TSPEAR: variants seen among roughly 807,000 people sequenced by gnomAD.
The protein encoded by TSPEAR is thrombospondin-type laminin G domain and EAR repeat-containing protein.
Under a neutral mutation model 71.6 loss-of-function variants are expected in TSPEAR, and 69 were observed. The observed-to-expected ratio is 0.96, with a 90% CI of 0.79 to 1.18. TSPEAR has a LOEUF of 1.18. Ranked by LOEUF, TSPEAR falls within the 50% of genes most tolerant of loss-of-function variation. TSPEAR has a pLI of 0.00. For missense variants in TSPEAR, 971 were observed against 894.9 expected (o/e 1.09, Z -1.09); for synonymous variants, 402 against 387.2 (o/e 1.04, Z -0.45).
At chr21:44,590,895 G>A (rs1277105073) in intron 1 of TSPEAR, among the ~76,000 whole-genome samples, 1 of 152,052 alleles carries the variant, frequency 6.6e-6, no homozygotes, top group Admixed American at 6.5e-5. Context: ...AGGGAGACTG[G>A]CCTTCAGGGT....
Position 44,509,763 on chromosome 21 carries a change from G to A in TSPEAR, c.1567-377C>T, listed in dbSNP as rs972586800. Reference sequence around the variant, plus strand: ...GTTAGTGCCAGCTGTGCCCAGCCCTGCCCCTAGCGACCATCTGTGTGACTT... The same window carrying A: ...GTTAGTGCCAGCTGTGCCCAGCCCTACCCCTAGCGACCATCTGTGTGACTT... On this transcript the variant is annotated intron_variant, in intron 9 of 11. Coordinates refer to ENST00000323084, the MANE Select transcript of TSPEAR (RefSeq NM_144991.3). 9 of 261,350 alleles carry A rather than the reference G, an allele frequency of 3.4e-5. No individual in the cohort carries two copies. In the East Asian group the frequency reaches 8.2e-4, roughly 24 times the overall value. 16.2% of individuals were successfully genotyped at this position (261,350 alleles called of 1,614,324 possible).
chr21:44,611,608 G>A (rs1981677146), intron 1 of TSPEAR, among the ~76,000 whole-genome samples: 1 of 152,170 alleles, frequency 6.6e-6, no homozygotes, highest in Non-Finnish European at 1.5e-5. Flanking sequence ...GGCAGGGTGG[G>A]GAGCCAGGGG....
rs781846655 is a variant in TSPEAR, at chr21:44,527,436, G to A, written c.1005C>T (p.Ile335=). The A allele has an allele frequency of 1.2e-5, 19 of 1,614,120 alleles. No homozygotes were observed. The African/African-American group carries it at 1.6e-4, about 14-fold the overall frequency. The change falls in exon 7 of 12, where the codon ATC becomes ATT. Residue 335 remains isoleucine (I), a synonymous_variant. Coordinates refer to ENST00000323084, the MANE Select transcript of TSPEAR (RefSeq NM_144991.3). ...SETLGIEVFR[I]PQVGLFVATA... The stretch of plus-strand genomic sequence containing the variant: ...TGGCCACAAAGAGCCCCACCTGAGG[G>A]ATGCGGAACACCTCAATGCCCAGGG...
At position 44,551,179 on chromosome 21, in the gene TSPEAR, G is replaced by A. The variant is rs587707007; in HGVS notation, c.303+16606C>T. On this transcript the variant is annotated intron_variant, in intron 2 of 11. Coordinates refer to ENST00000323084, the MANE Select transcript of TSPEAR (RefSeq NM_144991.3). ...GGCACGCAGCAGGCCTGCTGGCAGG[G>A]GGAGGAGGTGCAGCAAGCCGGCTGG... 387 of 1,569,388 alleles carry A rather than the reference G, an allele frequency of 2.5e-4. 2 individuals carry two copies. The East Asian group carries it at 8.9e-3, about 36-fold the overall frequency.
In TSPEAR at chr21:44,567,851, C is replaced by T. The variant is rs1324345132; in HGVS notation, c.237G>A (p.Gln79=). Residue 79 remains glutamine, a synonymous_variant, in exon 2 of 12, where the codon CAG becomes CAA. Transcript: ENST00000323084. The stretch of plus-strand genomic sequence containing the variant: ...AAAATTCTTCAGGGAAGAGGTCACA[C>T]TGGGAGAAAATCCTGGATGCTGGGA... The part of the protein sequence containing the change: ...MSFPASRIFS[Q]CDLFPEEFSI... 6.2e-7 allele frequency: 1 copy of T among 1,609,578 alleles called. No homozygotes were observed.
chr21:44,586,975 C>A (rs459915), intron 1 of TSPEAR, among the ~76,000 whole-genome samples: 1 of 152,152 alleles, frequency 6.6e-6, no homozygotes, highest in African/African-American at 2.4e-5. Flanking sequence ...CTGAGAACTG[C>A]AAAAATGTAG....
intron 9 of TSPEAR, among the ~76,000 whole-genome samples, chr21:44,513,870 G>A (rs782688721): frequency 6.6e-6 from 1 of 152,156 alleles, no homozygotes; most frequent in Non-Finnish European, 1.5e-5. Context: ...CATCCTCTCT[G>A]AGGGTAGCCA....
intron 1 of TSPEAR, among the ~76,000 whole-genome samples, chr21:44,643,566 T>TG (rs1390936026): frequency 2.0e-5 from 3 of 152,096 alleles, no homozygotes; most frequent in African/African-American, 7.2e-5. Context: ...TCAATAAAGC[T>TG]GGGGAAAAAG....
intron 1 of TSPEAR, among the ~76,000 whole-genome samples, chr21:44,689,163 CAT>C (rs1986995970): frequency 6.6e-6 from 1 of 152,166 alleles, no homozygotes; most frequent in Non-Finnish European, 1.5e-5. Context: ...GATAAACTAA[CAT>C]ATCACTGCAC....
At chr21:44,524,847 G>C in intron 8 of TSPEAR, among the ~76,000 whole-genome samples, 1 of 151,302 alleles carries the variant, frequency 6.6e-6, no homozygotes, top group South Asian at 2.1e-4. Context: ...CAGTGAGGTA[G>C]TCAGTCAGCC....
In TSPEAR at chr21:44,697,391, C is replaced by T. The variant is rs370764650; in HGVS notation, c.82+14042G>A. 17 of 1,613,462 alleles carry T rather than the reference C, an allele frequency of 1.1e-5. No homozygotes were observed. The East Asian group carries it at 2.7e-4, about 25-fold the overall frequency. On this transcript the variant is annotated intron_variant, in intron 1 of 11. Transcript: ENST00000323084. ...GAGCCGTGTATCCAGCCCCTGCTGC[C>T]GAGTGACCTGTGAGCCCAGCCCCTG...
intron 1 of TSPEAR, among the ~76,000 whole-genome samples, chr21:44,599,913 G>C (rs1980664708): frequency 6.6e-6 from 1 of 152,172 alleles, no homozygotes; most frequent in Admixed American, 6.5e-5. Context: ...GGTTTGCAGT[G>C]CTTGGGATAA....
In TSPEAR at chr21:44,551,322, A is replaced by C. The variant is rs782095780; in HGVS notation, c.303+16463T>G. 7.1e-5 allele frequency: 115 copies of C among 1,613,150 alleles called. No individual in the cohort carries two copies. The highest frequency in any genetic ancestry group is 9.5e-5 in the Non-Finnish European group (112 of 1,179,946). On this transcript the variant is annotated intron_variant, in intron 2 of 11. Coordinates refer to ENST00000323084, the MANE Select transcript of TSPEAR (RefSeq NM_144991.3). ...GGACACACAGCTCACTGGGGTGCAG[A>C]CCAGGGTCAGGCAGGGGGCTGGGGC...
intron 1 of TSPEAR, among the ~76,000 whole-genome samples, chr21:44,635,040 A>G (rs1983461787): frequency 6.6e-6 from 1 of 152,154 alleles, no homozygotes; most frequent in African/African-American, 2.4e-5. Context: ...TTCAAACAGA[A>G]ACATGTACAA....
At chr21:44,697,203 T>C (rs782280487) in intron 1 of TSPEAR, 27 of 1,613,262 alleles carry the variant, frequency 1.7e-5, no homozygotes, top group South Asian at 2.2e-5. Context: ...GCATCCACCA[T>C]GTCCGTCTGC....
intron 1 of TSPEAR, among the ~76,000 whole-genome samples, chr21:44,691,770 A>G (rs1216782854): frequency 6.6e-6 from 1 of 152,228 alleles, no homozygotes; most frequent in Non-Finnish European, 1.5e-5. Context: ...TTACTGGTGA[A>G]TATCACCAAA....
At chr21:44,707,309 G>C (rs1247024476) in intron 1 of TSPEAR, among the ~76,000 whole-genome samples, 2 of 152,086 alleles carry the variant, frequency 1.3e-5, no homozygotes, top group African/African-American at 2.4e-5. Context: ...GGGTGGGGGG[G>C]GGTGCGGGGA....
rs1330593294 is a variant in TSPEAR at position 44,593,235 on chromosome 21, T to G, written c.83-25230A>C. Among the ~76,000 whole-genome samples the G allele has an allele frequency of 1.3e-5, 2 of 151,988 alleles. No homozygotes were observed. The highest frequency in any genetic ancestry group is 4.8e-5 in the African/African-American group (2 of 41,362). On this transcript the variant is annotated intron_variant, in intron 1 of 11. Coordinates refer to ENST00000323084, the MANE Select transcript of TSPEAR (RefSeq NM_144991.3). The surrounding 1 kb of genome is among the most constrained non-coding windows in gnomAD (Gnocchi z 5.9). ...AGTAACCGTGCTGAGCAGCGGGCGG[T>G]CAGCAGCCCTCGTCCCCGCCTGGGG...
At chr21:44,515,922 G>A (rs1601342872) in intron 9 of TSPEAR, 2 of 152,454 alleles carry the variant, frequency 1.3e-5, no homozygotes, top group Admixed American at 1.3e-4. Flanking sequence ...AGGCGTCCCA[G>A]GCACTCCCGT....
Sources: allele counts gnomAD v4.1 joint callset (sites outside exome capture counted in the v4.1 genomes callset), GRCh38; gene constraint gnomAD v4.1.1; non-coding constraint Gnocchi (gnomAD v3.1); transcripts MANE v1.5; gene names NCBI Gene and HGNC (gene_info 2026-07-23, HGNC 2026-07-21).